ABAT: variants seen among roughly 807,000 people sequenced by gnomAD.
The protein encoded by ABAT is 4-aminobutyrate aminotransferase, also known as 4-aminobutyrate aminotransferase, mitochondrial.
In ABAT, 45 loss-of-function variants were observed where a neutral mutation model predicts 64.6. The ratio of observed to expected loss-of-function variants is 0.70; its 90% confidence interval spans 0.55 to 0.89. The LOEUF is 0.89. Ranked by LOEUF, ABAT falls within the 40% of genes least tolerant of loss-of-function variation. The pLI is 0.00. For synonymous variants in ABAT, 297 were observed against 250.5 expected (o/e 1.19, Z -1.75); for missense variants, 633 against 658.4 (o/e 0.96, Z 0.42).
chr16:8,774,000 C>G (rs2060196748), intron 12 of ABAT, among the ~76,000 whole-genome samples: 2 of 152,198 alleles, frequency 1.3e-5, no homozygotes, highest in African/African-American at 4.8e-5. Flanking sequence ...ACGATCTTGG[C>G]TCACTGTAAC....
intron 2 of ABAT, among the ~76,000 whole-genome samples, chr16:8,738,951 T>C (rs1237969527): frequency 6.6e-6 from 1 of 152,236 alleles, no homozygotes; most frequent in Non-Finnish European, 1.5e-5. Flanking sequence ...GGCCAAGGTT[T>C]TGCTTTATTT....
At chr16:8,778,627 A>G (rs1444021842) in intron 14 of ABAT, among the ~76,000 whole-genome samples, 1 of 152,122 alleles carries the variant, frequency 6.6e-6, no homozygotes, top group East Asian at 1.9e-4. Flanking sequence ...TACAAAAAAA[A>G]GTTAGCCAGG....
chr16:8,744,918 GA>G (rs1258710029), intron 2 of ABAT, among the ~76,000 whole-genome samples: 2 of 152,142 alleles, frequency 1.3e-5, no homozygotes, highest in Non-Finnish European at 2.9e-5. Context: ...AATATTCCAT[GA>G]AATGGTTGAC....
At chr16:8,718,452 G>A (rs927372581) in intron 1 of ABAT, among the ~76,000 whole-genome samples, 15 of 152,202 alleles carry the variant, frequency 9.9e-5, no homozygotes, top group South Asian at 2.1e-4. Context: ...TTAATCTGAC[G>A]GATGGGACTC....
rs2060432508 is a variant in ABAT, at chr16:8,781,316, G to A, written c.1389G>A (p.Val463=). ...LILIARNKGV[V]LGGCGDKSIR... is the part of the protein sequence containing the mutation. ...ACCTCCTGCCTCTTTCAGGTGTGGT[G>A]TTGGGTGGCTGTGGTGACAAATCCA... Residue 463 remains valine, a synonymous_variant, in exon 16 of 16, where the codon GTG becomes GTA. Transcript: ENST00000268251. This position sits in a 1 kb window ranked among gnomAD's most constrained non-coding sequence, Gnocchi z 4.5. 2.5e-6 allele frequency: 4 copies of A among 1,614,124 alleles called. No homozygotes were observed. The highest frequency in any genetic ancestry group is 3.4e-6 in the Non-Finnish European group (4 of 1,179,998).
chr16:8,689,604 T>C (rs2057534746), intron 1 of ABAT, among the ~76,000 whole-genome samples: 2 of 152,174 alleles, frequency 1.3e-5, no homozygotes, highest in Non-Finnish European at 2.9e-5. Context: ...AGAGGTAACA[T>C]ATGAATGTGA....
chr16:8,756,024 G>A (rs1343241466), intron 5 of ABAT, among the ~76,000 whole-genome samples: 2 of 151,848 alleles, frequency 1.3e-5, no homozygotes, highest in East Asian at 3.9e-4. Flanking sequence ...ACTCCAGCCT[G>A]GGCAACAGAG....
Position 8,724,731 on chromosome 16 carries a change from GAAA to G in ABAT, c.-41-10956_-41-10954del, listed in dbSNP as rs1567286719. Among the ~76,000 whole-genome samples the G allele has an allele frequency of 1.8e-4, 13 of 73,210 alleles. No individual in the cohort carries two copies. In the South Asian group the frequency reaches 3.3e-3, roughly 18 times the overall value. The allele number at this position is 73,210 out of a possible 152,430, so 48.0% of individuals were successfully genotyped here. On this transcript the variant is annotated intron_variant, in intron 1 of 15. Transcript: ENST00000268251. ...GCAATAGAGCCAGACCTTGTCTCAG[GAAA>G]AAAAAAAAAAACAAAAAAAAAAAAA...
At position 8,710,187 on chromosome 16, in the gene ABAT, A is replaced by G. The variant is rs149533378; in HGVS notation, c.-41-25512A>G. 1.1e-3 allele frequency among the ~76,000 whole-genome samples: 173 copies of G among 152,292 alleles called. 2 individuals carry two copies. In the East Asian group the frequency reaches 0.03, roughly 27 times the overall value. On this transcript the variant is annotated intron_variant, in intron 1 of 15. Transcript: ENST00000268251. ...TCCCCAGCACAAAAGCATTGTTTCA[A>G]TCAATGAGATAATACATGGAAAGTA...
chr16:8,725,332 C>A (rs1202259558), intron 1 of ABAT, among the ~76,000 whole-genome samples: 1 of 152,136 alleles, frequency 6.6e-6, no homozygotes, highest in Non-Finnish European at 1.5e-5. Context: ...AGATTTTTTT[C>A]ATCACCCCGG....
chr16:8,712,582 G>A (rs2058100782), intron 1 of ABAT, among the ~76,000 whole-genome samples: 2 of 152,220 alleles, frequency 1.3e-5, no homozygotes, highest in South Asian at 4.1e-4. Flanking sequence ...ATCCTTCCAG[G>A]TTCCCAATCT....
chr16:8,737,954 A>AAGGAAGGG (rs2059006997), intron 2 of ABAT, among the ~76,000 whole-genome samples: 1 of 16,162 alleles, frequency 6.2e-5, no homozygotes, highest in Non-Finnish European at 1.3e-4. Flanking sequence ...GGAAGAAAGG[A>AAGGAAGGG]AGGAAGGAAG....
At chr16:8,767,472 T>G (rs770929171) in intron 9 of ABAT, among the ~76,000 whole-genome samples, 64 of 152,056 alleles carry the variant, frequency 4.2e-4, no homozygotes, top group Non-Finnish European at 7.5e-4. Flanking sequence ...GCCTGAGTAG[T>G]AGGGAGCCAG....
rs143475961 is a variant in ABAT, at chr16:8,768,679, C to T, written c.668-146C>T. On this transcript the variant is annotated intron_variant, in intron 10 of 15. Coordinates refer to ENST00000268251, the MANE Select transcript of ABAT (RefSeq NM_020686.6). ...GCACCCAGAAAAATTAAAAATTAAA[C>T]GATAAAAAGAACTGGGGTTTCACAG... The T allele has an allele frequency of 7.0e-4, 793 of 1,129,780 alleles. 7 individuals carry two copies. In the African/African-American group the frequency reaches 0.011, roughly 15 times the overall value. The allele number at this position is 1,129,780 out of a possible 1,614,324, so 70.0% of individuals were successfully genotyped here. A position where few individuals can be genotyped will look rare whatever the true frequency, so the allele number is the denominator to read the frequency against.
intron 1 of ABAT, among the ~76,000 whole-genome samples, chr16:8,681,594 A>G (rs1000884072): frequency 6.7e-6 from 1 of 149,442 alleles, no homozygotes; most frequent in African/African-American, 2.5e-5. Context: ...TTAGGTTGAA[A>G]TGAGGTCTTT....
In ABAT at chr16:8,772,861, G is replaced by A. The variant is rs773165021; in HGVS notation, c.898G>A (p.Gly300Arg). Residue 300 changes from glycine to arginine, a missense_variant, in exon 12 of 16, where the codon GGA becomes AGA. Gly to Arg is a moderately radical substitution (Grantham distance 125). Coordinates refer to ENST00000268251, the MANE Select transcript of ABAT (RefSeq NM_020686.6). Reference protein sequence around the residue: ...IIVEPIQSEGGDNHASDDFFR... With the variant: ...IIVEPIQSEGRDNHASDDFFR... ...CGTGGAGCCCATCCAGTCCGAGGGT[G>A]GAGACAACCACGCATCCGATGACTT... 1.9e-6 allele frequency: 3 copies of A among 1,613,932 alleles called. No homozygotes were observed. The highest frequency in any genetic ancestry group is 1.1e-5 in the South Asian group (1 of 91,084).
intron 14 of ABAT, among the ~76,000 whole-genome samples, chr16:8,778,433 C>G (rs978660670): frequency 6.6e-6 from 1 of 152,062 alleles, no homozygotes; most frequent in Non-Finnish European, 1.5e-5. Flanking sequence ...TTGGTGTTCT[C>G]CCCACTGTGC....
At chr16:8,766,085 A>G (rs1250807327) in intron 8 of ABAT, 123 bp from the exon 9 acceptor site, 3 of 874,856 alleles carry the variant, frequency 3.4e-6, no homozygotes, top group Admixed American at 2.0e-5. Context: ...CAATTAATAC[A>G]TGAGATCCAC....
intron 1 of ABAT, among the ~76,000 whole-genome samples, chr16:8,723,827 ATTTTTTTT>A (rs1157410078): frequency 2.5e-4 from 10 of 40,354 alleles, no homozygotes; most frequent in African/African-American, 8.9e-4. Flanking sequence ...ATATATATAT[ATTTTTTTT>A]TTTTTTTTTT....
Sources: allele counts gnomAD v4.1 joint callset (sites outside exome capture counted in the v4.1 genomes callset), GRCh38; gene constraint gnomAD v4.1.1; non-coding constraint Gnocchi (gnomAD v3.1); transcripts MANE v1.5; gene names NCBI Gene and HGNC (gene_info 2026-07-23, HGNC 2026-07-21).